RPS6KA2: variants seen among roughly 807,000 people sequenced by gnomAD.
The protein encoded by RPS6KA2 is ribosomal protein S6 kinase alpha-2.
A neutral mutation model predicts 91.8 loss-of-function variants in RPS6KA2; 42 were observed. The observed-to-expected ratio is 0.46, with a 90% CI of 0.36 to 0.59. The LOEUF (loss-of-function observed/expected upper bound fraction) is 0.59, where lower values mean the gene tolerates loss of function less well. Among genes scored for constraint, RPS6KA2 ranks in the 20% least tolerant of loss-of-function variants. The pLI, the probability that RPS6KA2 is intolerant of heterozygous loss-of-function variation, is 0.00. For synonymous variants in RPS6KA2, 414 were observed against 393.6 expected, an observed-to-expected ratio of 1.05 and a Z score of -0.61; for missense variants, 798 against 978.5, an observed-to-expected ratio of 0.82 and a Z score of 2.46.
chr6:166,412,097 C>G lies in RPS6KA2; in HGVS notation c.*665G>C, dbSNP rs1458440703. 1 of 152,528 alleles carries G rather than the reference C, an allele frequency of 6.6e-6. No individual in the cohort carries two copies. Among genetic ancestry groups the G allele is most frequent in the Non-Finnish European group, 1.5e-5 (1 of 68,096 alleles). The allele number at this position is 152,528 out of a possible 1,614,324, so 9.4% of individuals were successfully genotyped here. A position where few individuals can be genotyped will look rare whatever the true frequency, so the allele number is the denominator to read the frequency against. ...GGAGCTCTCAAGGCAAAGATCCAGCCTGCCTTCCTCTCGTCTGGGCTCTTA... is the reference window on the plus strand; with the variant it reads ...GGAGCTCTCAAGGCAAAGATCCAGCGTGCCTTCCTCTCGTCTGGGCTCTTA... On this transcript the variant is annotated 3_prime_UTR_variant, in exon 21 of 21. Coordinates refer to ENST00000265678, the MANE Select transcript of RPS6KA2 (RefSeq NM_021135.6). This position sits in a 1 kb window ranked among gnomAD's most constrained non-coding sequence, Gnocchi z 4.3.
chr6:166,589,142 G>A (rs969328309), intron 1 of RPS6KA2, among the ~76,000 whole-genome samples: 3 of 152,152 alleles, frequency 2.0e-5, no homozygotes, highest in Admixed American at 2.0e-4. Context: ...GAAACAGGTG[G>A]TCAGATTGAA....
chr6:166,817,460 A>G (rs561245527), intron 2 of RPS6KA2, among the ~76,000 whole-genome samples: 45 of 152,290 alleles, frequency 3.0e-4, no homozygotes, highest in African/African-American at 1.1e-3. Context: ...ACACAGAGAT[A>G]TCTCCATGTA....
intron 17 of RPS6KA2, 72 bp from the exon 18 acceptor site, chr6:166,420,030 C>T (rs1342219666): frequency 1.4e-5 from 20 of 1,405,126 alleles, no homozygotes; most frequent in Admixed American, 1.0e-4. Context: ...GTTTCTCCAG[C>T]GGCATCCTAC....
chr6:166,480,088 A>T (rs1343954004), intron 10 of RPS6KA2, among the ~76,000 whole-genome samples: 3 of 152,104 alleles, frequency 2.0e-5, no homozygotes. Flanking sequence ...TTGAGGTGGA[A>T]TTACTTGGGT....
At position 166,733,263 on chromosome 6, in the gene RPS6KA2, T is replaced by C. The variant is rs559384705; in HGVS notation, c.123+124937A>G. Reference sequence around the variant, plus strand: ...TGCAAGAGTCCTGTGGACGGCACTGTTCCCAAAGTCACAGACCCTTTATGG... The same window carrying C: ...TGCAAGAGTCCTGTGGACGGCACTGCTCCCAAAGTCACAGACCCTTTATGG... On this transcript the variant is annotated intron_variant, in intron 2 of 21. Transcript: ENST00000503859. This position sits in a 1 kb window ranked among gnomAD's most constrained non-coding sequence, Gnocchi z 4.1. 6.6e-6 allele frequency among the ~76,000 whole-genome samples: 1 copy of C among 152,312 alleles called. No homozygotes were observed. Among genetic ancestry groups the C allele is most frequent in the East Asian group, 1.9e-4 (1 of 5,188 alleles).
At chr6:166,705,867 G>A (rs1789667231) in intron 2 of RPS6KA2, among the ~76,000 whole-genome samples, 1 of 152,172 alleles carries the variant, frequency 6.6e-6, no homozygotes, top group Non-Finnish European at 1.5e-5. Context: ...CTAATCCCAA[G>A]TGTGATGGTA....
At chr6:166,764,717 C>T (rs117713039) in intron 2 of RPS6KA2, among the ~76,000 whole-genome samples, 14 of 152,298 alleles carry the variant, frequency 9.2e-5, no homozygotes, top group East Asian at 5.8e-4. Context: ...GCCATGAGCC[C>T]GCAACCCCTG....
In RPS6KA2 at chr6:166,434,987, G is replaced by A. The variant is rs905037884; in HGVS notation, c.1333-2497C>T. Among the ~76,000 whole-genome samples the A allele has an allele frequency of 6.6e-6, 1 of 152,128 alleles. No homozygotes were observed. The highest frequency in any genetic ancestry group is 1.5e-5 in the Non-Finnish European group (1 of 68,020). ...GGAACAGGGTGCCTGGGGGCCCATGGGTGGGAGGGAAACTTTGCTGTATCC... is the reference window on the plus strand; with the variant it reads ...GGAACAGGGTGCCTGGGGGCCCATGAGTGGGAGGGAAACTTTGCTGTATCC... On this transcript the variant is annotated intron_variant, in intron 14 of 20. Coordinates refer to ENST00000265678, the MANE Select transcript of RPS6KA2 (RefSeq NM_021135.6). The surrounding 1 kb of genome is among the most constrained non-coding windows in gnomAD (Gnocchi z 4.4).
chr6:166,435,475 T>C lies in RPS6KA2; in HGVS notation c.1333-2985A>G, dbSNP rs1220217641. Among the ~76,000 whole-genome samples the C allele has an allele frequency of 6.6e-6, 1 of 152,222 alleles. No individual in the cohort carries two copies. The highest frequency in any genetic ancestry group is 2.4e-5 in the African/African-American group (1 of 41,454). ...ATATTAGTTACGCCTTTCAAAATCA[T>C]GTAATTGCTTGGTGGAACCCCCAAA... On this transcript the variant is annotated intron_variant, in intron 14 of 20. Transcript: ENST00000265678. The surrounding 1 kb of genome is among the most constrained non-coding windows in gnomAD (Gnocchi z 4.3).
chr6:166,469,774 C>T, intron 11 of RPS6KA2, 67 bp downstream of exon 11: 1 of 1,393,810 alleles, frequency 7.2e-7, no homozygotes, highest in Non-Finnish European at 1.0e-6. Flanking sequence ...CTGCACCAAG[C>T]CGTATGTTCC....
chr6:166,683,212 C>A (rs993710098), intron 2 of RPS6KA2, among the ~76,000 whole-genome samples: 1 of 152,230 alleles, frequency 6.6e-6, no homozygotes, highest in Admixed American at 6.5e-5. Context: ...ACAACTCATA[C>A]CTACGTGTGC....
intron 2 of RPS6KA2, chr6:166,702,458 T>C (rs1479981410): frequency 1.4e-5 from 22 of 1,586,642 alleles, no homozygotes; most frequent in Non-Finnish European, 1.9e-5. Flanking sequence ...TGGTCCTTAC[T>C]GGAATAGGTT....
intron 1 of RPS6KA2, among the ~76,000 whole-genome samples, chr6:166,595,133 C>A (rs1785497145): frequency 6.6e-6 from 1 of 151,856 alleles, no homozygotes; most frequent in East Asian, 1.9e-4. Context: ...CTCACTGCAA[C>A]CTCTACCTCC....
intron 2 of RPS6KA2, among the ~76,000 whole-genome samples, chr6:166,796,180 C>A (rs539881842): frequency 6.6e-6 from 1 of 152,250 alleles, no homozygotes; most frequent in Non-Finnish European, 1.5e-5. Context: ...AGTAAGCCTA[C>A]GATAAATCCC....
chr6:166,658,010 A>G (rs909246962), intron 2 of RPS6KA2, among the ~76,000 whole-genome samples: 23 of 152,122 alleles, frequency 1.5e-4, no homozygotes, highest in Admixed American at 1.2e-3. Flanking sequence ...CAGCCTCCCA[A>G]GTAGCTGGGA....
intron 4 of RPS6KA2, 109 bp downstream of exon 4, chr6:166,510,168 T>C (rs1267531092): frequency 1.5e-6 from 1 of 664,692 alleles, no homozygotes; most frequent in African/African-American, 1.8e-5. Context: ...GACTCTATGG[T>C]ATAGGAAAGA....
intron 2 of RPS6KA2, among the ~76,000 whole-genome samples, chr6:166,747,095 G>A (rs145705453): frequency 3.2e-4 from 48 of 152,250 alleles, no homozygotes; most frequent in South Asian, 1.5e-3. Context: ...TTACATAGAC[G>A]GGCTTTATCA....
At chr6:166,515,523 C>A (rs1363210603) in intron 3 of RPS6KA2, among the ~76,000 whole-genome samples, 1 of 152,184 alleles carries the variant, frequency 6.6e-6, no homozygotes, top group Non-Finnish European at 1.5e-5. Context: ...TGCAGTTATG[C>A]ACCAGAGAGG....
At chr6:166,687,823 T>C (rs1789073046) in intron 2 of RPS6KA2, among the ~76,000 whole-genome samples, 1 of 152,228 alleles carries the variant, frequency 6.6e-6, no homozygotes, top group African/African-American at 2.4e-5. Flanking sequence ...GATGCAAAAT[T>C]GCCTTTACCA....
Sources: allele counts gnomAD v4.1 joint callset (sites outside exome capture counted in the v4.1 genomes callset), GRCh38; gene constraint gnomAD v4.1.1; non-coding constraint Gnocchi (gnomAD v3.1); transcripts MANE v1.5; gene names NCBI Gene and HGNC (gene_info 2026-07-23, HGNC 2026-07-21).